ENOSF1: variants seen among roughly 807,000 people sequenced by gnomAD.
ENOSF1 encodes enolase superfamily member 1.
In ENOSF1, 73 loss-of-function variants were observed where a neutral mutation model predicts 68.2. The observed-to-expected ratio is 1.07, with a 90% CI of 0.89 to 1.30. The LOEUF (loss-of-function observed/expected upper bound fraction) is 1.30, where lower values mean the gene tolerates loss of function less well. Among genes scored for constraint, ENOSF1 ranks in the 50% most tolerant of loss-of-function variants. ENOSF1 has a pLI of 0.00. For missense variants in ENOSF1, 589 were observed against 554.5 expected, an observed-to-expected ratio of 1.06 and a Z score of -0.62; for synonymous variants, 223 against 210.4, an observed-to-expected ratio of 1.06 and a Z score of -0.52.
At chr18:707,511 G>C (rs2741189) in intron 1 of ENOSF1, 26,643 of 152,246 alleles carry the variant, frequency 0.17, 2,789 homozygotes, top group Admixed American at 0.25. Context: ...CAAAAGTTCA[G>C]ACACCAGTGG....
intron 1 of ENOSF1, among the ~76,000 whole-genome samples, chr18:709,396 G>GT (rs1555675872): frequency 6.6e-6 from 1 of 152,168 alleles, no homozygotes; most frequent in Non-Finnish European, 1.5e-5. Flanking sequence ...AGCGGAAAAC[G>GT]TATCTGAGGG....
rs760381059 is a variant in ENOSF1 at position 691,052 on chromosome 18, T to A, written c.535+16A>T. The A allele has an allele frequency of 1.3e-5, 21 of 1,613,700 alleles. 1 individual carries two copies. The South Asian group carries it at 2.3e-4, about 18-fold the overall frequency. The stretch of plus-strand genomic sequence containing the variant: ...ATGTTAGCAAAAACAATGAAGAAAA[T>A]TTTCTTACAACCCACCTCTTTCTTT... On this transcript the variant is annotated intron_variant, in intron 7 of 15. Transcript: ENST00000647584.
intron 5 of ENOSF1, chr18:691,500 T>G (rs1598670365): frequency 2.0e-6 from 1 of 496,566 alleles, no homozygotes; most frequent in Non-Finnish European, 3.6e-6. Flanking sequence ...TATGTGCCAC[T>G]ATGCCCGGCT....
At chr18:690,730 T>TTTCCCCTGGAGAGTCCAGCTGC in intron 7 of ENOSF1, 99 bp from the exon 8 acceptor site, 1 of 1,550,614 alleles carries the variant, frequency 6.4e-7, no homozygotes, top group South Asian at 1.2e-5. Context: ...AGTCCAGCTG[T>TTTCCCCTGGAGAGTCCAGCTGC]TCTCCTGATC....
In ENOSF1 at chr18:706,514, T is replaced by C. The variant is rs1278617221; in HGVS notation, c.149A>G (p.Lys50Arg). The stretch of plus-strand genomic sequence containing the variant: ...CAGAGTGAAGGTAATTCCACACCCC[T>C]TGATTCCATCTTCTGCATCAGTTTC... Reference protein sequence around the residue: ...VIETDAEDGIKGCGITFTLGK... With the variant: ...VIETDAEDGIRGCGITFTLGK... The change falls in exon 2 of 16, where the codon AAG becomes AGG. Residue 50 changes from lysine to arginine, a missense_variant. Coordinates refer to ENST00000647584, the MANE Select transcript of ENOSF1 (RefSeq NM_017512.7). The C allele has an allele frequency of 6.2e-7, 1 of 1,613,944 alleles. No homozygotes were observed.
rs1351773743 is a variant in ENOSF1, at chr18:674,341, T to G, written c.1296A>C (p.Glu432Asp). ...GAGCAGGAAGGAGTTTCTTCCAAACTTCACCATCTGGATACTGGTGTTTCT... is the reference window on the plus strand; with the variant it reads ...GAGCAGGAAGGAGTTTCTTCCAAACGTCACCATCTGGATACTGGTGTTTCT... ...SVKKHQYPDG[E>D]VWKKLLPAQE... The change falls in exon 16 of 16, where the codon GAA becomes GAC. Residue 432 changes from glutamate (E) to aspartate (D), a missense_variant. By Grantham distance (45) the Glu-to-Asp change is conservative (BLOSUM62 2). Coordinates refer to ENST00000647584, the MANE Select transcript of ENOSF1 (RefSeq NM_017512.7). 1.9e-6 allele frequency: 3 copies of G among 1,612,774 alleles called. No homozygotes were observed. The highest frequency in any genetic ancestry group is 2.5e-6 in the Non-Finnish European group (3 of 1,179,482).
chr18:675,497 T>A lies in ENOSF1; in HGVS notation c.1149-95A>T, dbSNP rs2075400678. ...GCAGAAGGAGCGAGTACCACTCAAT[T>A]GACAGTGTTGGCCAAGGCTTAGCTG... On this transcript the variant is annotated intron_variant, in intron 14 of 15. Coordinates refer to ENST00000647584, the MANE Select transcript of ENOSF1 (RefSeq NM_017512.7). 2.8e-5 allele frequency: 30 copies of A among 1,075,696 alleles called. No individual in the cohort carries two copies. In the East Asian group the frequency reaches 7.3e-4, roughly 26 times the overall value. 66.6% of individuals were successfully genotyped at this position (1,075,696 alleles called of 1,614,324 possible). A position where few individuals can be genotyped will look rare whatever the true frequency, so the allele number is the denominator to read the frequency against.
chr18:689,337 G>C (rs2076927012), intron 8 of ENOSF1, among the ~76,000 whole-genome samples: 1 of 152,200 alleles, frequency 6.6e-6, no homozygotes, highest in South Asian at 2.1e-4. Flanking sequence ...TTGGAGGGCA[G>C]TGGCGTGATC....
At chr18:695,168 AT>A in intron 3 of ENOSF1, among the ~76,000 whole-genome samples, 1 of 152,160 alleles carries the variant, frequency 6.6e-6, no homozygotes, top group Middle Eastern at 3.4e-3. Context: ...ACCTGGAATA[AT>A]TTTTCTTCTT....
At chr18:690,695 T>G in intron 7 of ENOSF1, 64 bp from the exon 8 acceptor site, 1 of 1,152,150 alleles carries the variant, frequency 8.7e-7, no homozygotes, top group Non-Finnish European at 1.2e-6. Context: ...TGGAAGTGCC[T>G]GTAGCTAAGC....
chr18:696,335 CTGAG>C (rs1217875046), intron 3 of ENOSF1, among the ~76,000 whole-genome samples: 1 of 151,680 alleles, frequency 6.6e-6, no homozygotes, highest in East Asian at 2.0e-4. Flanking sequence ...CCTCAGCCTC[CTGAG>C]TAACTGGGAC....
At position 683,327 on chromosome 18, in the gene ENOSF1, G is replaced by A. The variant is rs2076281643; in HGVS notation, c.795C>T (p.Ser265=). 1.9e-6 allele frequency: 3 copies of A among 1,614,150 alleles called. No homozygotes were observed. Among genetic ancestry groups the A allele is most frequent in the Non-Finnish European group, 2.5e-6 (3 of 1,180,030 alleles). The change falls in exon 11 of 16, where the codon TCC becomes TCT. Residue 265 remains serine, a synonymous_variant. Coordinates refer to ENST00000647584, the MANE Select transcript of ENOSF1 (RefSeq NM_017512.7). The part of the protein sequence containing the change: ...WDVPEAVEWM[S]KLAKFKPLWI... Reference sequence around the variant, plus strand: ...ACAATGGCTTGAACTTGGCCAGCTTGGACATCCACTCCACCGCCTCAGGCA... The same window carrying A: ...ACAATGGCTTGAACTTGGCCAGCTTAGACATCCACTCCACCGCCTCAGGCA...
At chr18:667,089 TGATGGAGATGGAGATGGA>T (rs1220451138), downstream of ENOSF1, among the ~76,000 whole-genome samples, 3 of 50,140 alleles carry the variant, frequency 6.0e-5, no homozygotes, top group Non-Finnish European at 3.4e-5. Flanking sequence ...ATGGTGATGG[TGATGGAGATGGAGATGGA>T]GATGGTGATG....
rs2077648581 is a variant in ENOSF1 at position 695,804 on chromosome 18, A to C, written c.309+1436T>G. ...ATTCAATGGGTTATAAGCCATTACT[A>C]TCATATTTATTTGGATGTTCAAATT... On this transcript the variant is annotated intron_variant, in intron 3 of 15. Transcript: ENST00000647584. Among the ~76,000 whole-genome samples the C allele has an allele frequency of 2.0e-5, 3 of 152,180 alleles. No homozygotes were observed. In the South Asian group the frequency reaches 6.2e-4, roughly 31 times the overall value.
In ENOSF1 at chr18:674,342, T is replaced by G; in HGVS notation, c.1295A>C (p.Glu432Ala). The change falls in exon 16 of 16, where the codon GAA becomes GCA. Residue 432 changes from glutamate (E) to alanine (A), a missense_variant. Transcript: ENST00000647584. ...AGCAGGAAGGAGTTTCTTCCAAACT[T>G]CACCATCTGGATACTGGTGTTTCTT... ...SVKKHQYPDGEVWKKLLPAQE... is the reference protein window; with the variant it reads ...SVKKHQYPDGAVWKKLLPAQE... 3.1e-6 allele frequency: 5 copies of G among 1,612,742 alleles called. No homozygotes were observed. Among genetic ancestry groups the G allele is most frequent in the Non-Finnish European group, 4.2e-6 (5 of 1,179,494 alleles).
chr18:675,428 C>A, intron 14 of ENOSF1, 26 bp from the exon 15 acceptor site: 1 of 1,587,810 alleles, frequency 6.3e-7, no homozygotes, highest in Non-Finnish European at 8.6e-7. Context: ...CAGATCGGGG[C>A]AATGATGCCT....
At chr18:695,376 T>C (rs926263184) in intron 3 of ENOSF1, among the ~76,000 whole-genome samples, 1 of 152,206 alleles carries the variant, frequency 6.6e-6, no homozygotes, top group Non-Finnish European at 1.5e-5. Flanking sequence ...GGTAACTTAG[T>C]GTCCATTTGC....
chr18:676,227 T>C (rs780723855), intron 14 of ENOSF1, among the ~76,000 whole-genome samples: 7 of 152,222 alleles, frequency 4.6e-5, no homozygotes, highest in African/African-American at 1.2e-4. Context: ...TCGCCTGTTA[T>C]TGAACAGCTG....
At position 671,779 on chromosome 18, in the gene ENOSF1, CCTTTT is replaced by C. The variant is rs1007533909; in HGVS notation, c.*2521_*2525del. The C allele has an allele frequency of 2.7e-5, 7 of 262,720 alleles. No homozygotes were observed. The highest frequency in any genetic ancestry group is 7.6e-5 in the African/African-American group (2 of 26,156). The allele number at this position is 262,720 out of a possible 1,614,324, so 16.3% of individuals were successfully genotyped here. Reference sequence around the variant, plus strand: ...GGAGAATTGAAGTGCAAATGTTTTTCCTTTTCTTTTTTTTTTGAGATGGAGTCTTT... The same window carrying C: ...GGAGAATTGAAGTGCAAATGTTTTTCCTTTTTTTTTTGAGATGGAGTCTTT... On this transcript the variant is annotated 3_prime_UTR_variant, in exon 16 of 16. Coordinates refer to ENST00000647584, the MANE Select transcript of ENOSF1 (RefSeq NM_017512.7).
Sources: gnomAD v4.1 joint callset for allele counts (sites outside exome capture counted in the v4.1 genomes callset) on GRCh38, gnomAD v4.1.1 for gene constraint, MANE v1.5 for transcripts, NCBI Gene and HGNC (gene_info 2026-07-23, HGNC 2026-07-21) for gene names.